The following BICC1 variants were observed in gnomAD, a reference collection of about 807,000 sequenced individuals.
BICC1 encodes protein bicaudal C homolog 1.
A neutral mutation model predicts 111.0 loss-of-function variants in BICC1; 43 were observed. The ratio of observed to expected loss-of-function variants is 0.39; its 90% CI spans 0.30 to 0.50. The LOEUF is 0.50. Among genes scored for constraint, BICC1 ranks in the 20% least tolerant of loss-of-function variants. The pLI is 0.88. For missense variants in BICC1, 1,091 were observed against 1,203.2 expected (o/e 0.91, Z 1.38); for synonymous variants, 467 against 434.4 (o/e 1.07, Z -0.93).
chr10:58,576,329 G>A (rs979010576), intron 1 of BICC1, among the ~76,000 whole-genome samples: 1 of 152,158 alleles, frequency 6.6e-6, no homozygotes, highest in African/African-American at 2.4e-5. Context: ...AAAAGCAGCA[G>A]ACATACAAAA....
chr10:58,712,152 T>C (rs1840596406), intron 3 of BICC1, among the ~76,000 whole-genome samples: 1 of 152,094 alleles, frequency 6.6e-6, no homozygotes, highest in Admixed American at 6.6e-5. Context: ...CGTTAAGATA[T>C]CACTACCTAC....
chr10:58,795,594 A>G (rs1843327347), intron 9 of BICC1, among the ~76,000 whole-genome samples: 1 of 152,114 alleles, frequency 6.6e-6, no homozygotes, highest in African/African-American at 2.4e-5. Flanking sequence ...GGGCCATTTA[A>G]TTATGCCCAG....
intron 3 of BICC1, among the ~76,000 whole-genome samples, chr10:58,727,405 G>A (rs932182561): frequency 1.3e-5 from 2 of 151,956 alleles, no homozygotes; most frequent in African/African-American, 4.8e-5. Context: ...TGTGTACCAT[G>A]GTGCAACCCC....
intron 3 of BICC1, among the ~76,000 whole-genome samples, chr10:58,748,540 T>G (rs1770532325): frequency 6.6e-6 from 1 of 151,378 alleles, no homozygotes; most frequent in African/African-American, 2.4e-5. Context: ...CAGAATTCGA[T>G]TTTTATCTTG....
intron 3 of BICC1, among the ~76,000 whole-genome samples, chr10:58,719,707 T>C (rs188749312): frequency 2.6e-4 from 39 of 152,332 alleles, no homozygotes; most frequent in Admixed American, 2.0e-3. Context: ...TTCCTTTCCA[T>C]GTGCGCAGTG....
intron 2 of BICC1, among the ~76,000 whole-genome samples, chr10:58,677,429 G>A (rs1410797430): frequency 2.0e-5 from 3 of 152,188 alleles, no homozygotes; most frequent in African/African-American, 7.2e-5. Context: ...GAACCAAATT[G>A]ATCAGTTGGA....
At chr10:58,764,008 C>A (rs1438801487) in intron 3 of BICC1, among the ~76,000 whole-genome samples, 1 of 152,090 alleles carries the variant, frequency 6.6e-6, no homozygotes, top group Admixed American at 6.6e-5. Context: ...AATTGCTATA[C>A]ATTTAGTGGT....
chr10:58,646,062 T>C (rs1838260286), intron 2 of BICC1, among the ~76,000 whole-genome samples: 1 of 151,220 alleles, frequency 6.6e-6, no homozygotes, highest in African/African-American at 2.4e-5. Context: ...AGATTTGCAA[T>C]GCTTTTTTTT....
chr10:58,665,032 C>G (rs1838965829), intron 2 of BICC1, among the ~76,000 whole-genome samples: 1 of 152,102 alleles, frequency 6.6e-6, no homozygotes, highest in African/African-American at 2.4e-5. Context: ...TTTCTGCCAG[C>G]TCTGTACAGC....
intron 1 of BICC1, among the ~76,000 whole-genome samples, chr10:58,549,852 A>T (rs1843248461): frequency 6.6e-6 from 1 of 150,876 alleles, no homozygotes; most frequent in Non-Finnish European, 1.5e-5. Flanking sequence ...TGCCCGGCTA[A>T]TTTTTTTGTA....
intron 3 of BICC1, among the ~76,000 whole-genome samples, chr10:58,745,357 C>T (rs541438361): frequency 2.0e-5 from 3 of 151,988 alleles, no homozygotes; most frequent in East Asian, 3.9e-4. Context: ...AATAATAATC[C>T]CTCACAGGAT....
At chr10:58,645,842 A>G (rs1838253893) in intron 2 of BICC1, among the ~76,000 whole-genome samples, 1 of 152,204 alleles carries the variant, frequency 6.6e-6, no homozygotes, top group African/African-American at 2.4e-5. Flanking sequence ...TGCCAGAAGC[A>G]GTTGCCTTTT....
At chr10:58,725,060 G>A (rs1043693304) in intron 3 of BICC1, among the ~76,000 whole-genome samples, 47 of 152,254 alleles carry the variant, frequency 3.1e-4, no homozygotes, top group African/African-American at 1.1e-3. Flanking sequence ...TGGCAATTTT[G>A]TGGGGGTTGA....
intron 1 of BICC1, among the ~76,000 whole-genome samples, chr10:58,617,960 C>T (rs1845672092): frequency 6.6e-6 from 1 of 152,252 alleles, no homozygotes; most frequent in Non-Finnish European, 1.5e-5. Flanking sequence ...CCACCATAAC[C>T]TGGAGTTGTT....
chr10:58,612,919 T>C (rs1389468861), intron 1 of BICC1, among the ~76,000 whole-genome samples: 2 of 152,074 alleles, frequency 1.3e-5, no homozygotes, highest in Non-Finnish European at 2.9e-5. Flanking sequence ...GCTACCCCCC[T>C]CCCATTTAAT....
chr10:58,662,323 G>C (rs1254379440), intron 2 of BICC1, among the ~76,000 whole-genome samples: 2 of 152,176 alleles, frequency 1.3e-5, no homozygotes, highest in African/African-American at 4.8e-5. Flanking sequence ...GAATTGGAAG[G>C]ATATTCCATT....
rs1843244238 is a variant in BICC1, at chr10:58,793,472, G to T, written c.1048-12G>T. ...TTTTACCTCCTACACATTCTATTGT[G>T]ACATTTTCTAGGGTTGTCTTCCTCT... On this transcript the variant is annotated splice_polypyrimidine_tract_variant and intron_variant, in intron 8 of 20. Coordinates refer to ENST00000373886, the MANE Select transcript of BICC1 (RefSeq NM_001080512.3). The T allele has an allele frequency of 6.2e-7, 1 of 1,606,338 alleles. No individual in the cohort carries two copies. Among genetic ancestry groups the T allele is most frequent in the African/African-American group, 1.3e-5 (1 of 74,680 alleles).
intron 3 of BICC1, among the ~76,000 whole-genome samples, chr10:58,732,592 G>A (rs1359715573): frequency 6.6e-6 from 1 of 151,152 alleles, no homozygotes; most frequent in Non-Finnish European, 1.5e-5. Flanking sequence ...ACCAGCCTGG[G>A]CAACATGGTG....
At chr10:58,804,897 A>G (rs1006014204) in intron 15 of BICC1, among the ~76,000 whole-genome samples, 11 of 152,198 alleles carry the variant, frequency 7.2e-5, no homozygotes, top group Non-Finnish European at 1.2e-4. Flanking sequence ...AATGATCTGT[A>G]TCTCCTGATT....
Sources: allele counts gnomAD v4.1 joint callset (sites outside exome capture counted in the v4.1 genomes callset), GRCh38; gene constraint gnomAD v4.1.1; transcripts MANE v1.5; gene names NCBI Gene and HGNC (gene_info 2026-07-23, HGNC 2026-07-21).